The following AK8 variants were observed in gnomAD, a reference collection of about 807,000 sequenced individuals.
AK8 encodes the protein ATP-AMP transphosphorylase 8.
Under a neutral mutation model 54.6 loss-of-function variants are expected in AK8, and 44 were observed. That is an observed-to-expected ratio of 0.81 (90% CI 0.63 to 1.04). The LOEUF is 1.04. Among genes scored for constraint, AK8 ranks in the 50% least tolerant of loss-of-function variants. The pLI is 0.00. For missense variants in AK8, 555 were observed against 613.6 expected, an observed-to-expected ratio of 0.90 and a Z score of 1.01; for synonymous variants, 239 against 245.6, an observed-to-expected ratio of 0.97 and a Z score of 0.25.
chr9:132,857,459 A>C (rs1196309514), intron 4 of AK8, among the ~76,000 whole-genome samples: 1 of 151,966 alleles, frequency 6.6e-6, no homozygotes, highest in Non-Finnish European at 1.5e-5. Flanking sequence ...GAGCTTCCCC[A>C]GGCTGGCAAG....
Position 132,875,059 on chromosome 9 carries a change from AAGG to A in AK8, c.169+53_169+55del, listed in dbSNP as rs1024063460. 824 of 1,603,022 alleles carry A rather than the reference AAGG, an allele frequency of 5.1e-4. 5 individuals carry two copies. The highest frequency in any genetic ancestry group is 3.0e-3 in the Admixed American group (178 of 59,006). On this transcript the variant is annotated intron_variant, in intron 2 of 12. Coordinates refer to ENST00000298545, the MANE Select transcript of AK8 (RefSeq NM_152572.3). The stretch of plus-strand genomic sequence containing the variant: ...GGCAGAGGAGTCAGGGAAGAAGGGG[AAGG>A]AGGAGGAGGGGAAGGGAAGACGAGG...
intron 11 of AK8, among the ~76,000 whole-genome samples, chr9:132,730,605 C>T (rs992761470): frequency 6.6e-6 from 1 of 152,048 alleles, no homozygotes; most frequent in Non-Finnish European, 1.5e-5. Flanking sequence ...TGCCCCTTGC[C>T]CAGAACTGCT....
intron 5 of AK8, among the ~76,000 whole-genome samples, chr9:132,848,727 G>A (rs555577224): frequency 6.6e-6 from 1 of 152,192 alleles, no homozygotes; most frequent in Non-Finnish European, 1.5e-5. Flanking sequence ...GTGCTGAGGA[G>A]GAAGGTCTCG....
chr9:132,810,998 C>T (rs1051805041), intron 10 of AK8, among the ~76,000 whole-genome samples: 4 of 152,044 alleles, frequency 2.6e-5, no homozygotes, highest in African/African-American at 9.7e-5. Context: ...GTTAATAGGC[C>T]AGGGCTATAG....
At chr9:132,804,177 C>G (rs866561677) in intron 10 of AK8, among the ~76,000 whole-genome samples, 2 of 151,838 alleles carry the variant, frequency 1.3e-5, no homozygotes, top group Admixed American at 6.6e-5. Flanking sequence ...GGACCTCACC[C>G]GAATAGAAAT....
chr9:132,775,897 C>G (rs760848814), intron 11 of AK8, among the ~76,000 whole-genome samples: 1 of 152,220 alleles, frequency 6.6e-6, no homozygotes, highest in Non-Finnish European at 1.5e-5. Context: ...CATGAGGCTG[C>G]AGGCAGAGTT....
chr9:132,863,604 G>T, intron 4 of AK8, 61 bp downstream of exon 4: 1 of 1,151,422 alleles, frequency 8.7e-7, no homozygotes, highest in Non-Finnish European at 1.3e-6. Flanking sequence ...TCAGGTGGCA[G>T]TGGGTGTGGC....
chr9:132,744,670 C>T (rs1837554503), intron 11 of AK8, among the ~76,000 whole-genome samples: 1 of 151,970 alleles, frequency 6.6e-6, no homozygotes, highest in African/African-American at 2.4e-5. Context: ...TCAAGAGAAC[C>T]CCAATATGTT....
intron 11 of AK8, among the ~76,000 whole-genome samples, chr9:132,772,901 C>T (rs576015157): frequency 3.3e-4 from 50 of 152,188 alleles, no homozygotes; most frequent in Non-Finnish European, 2.4e-4. Flanking sequence ...GCCTCTGGCA[C>T]CTCTCACCTG....
chr9:132,838,526 T>C (rs983952331), intron 5 of AK8, among the ~76,000 whole-genome samples: 1 of 152,218 alleles, frequency 6.6e-6, no homozygotes, highest in Non-Finnish European at 1.5e-5. Flanking sequence ...TCTGCGGACA[T>C]GGTCAAGGTT....
intron 11 of AK8, among the ~76,000 whole-genome samples, chr9:132,774,893 C>T (rs939886834): frequency 2.0e-5 from 3 of 152,166 alleles, no homozygotes; most frequent in African/African-American, 7.2e-5. Flanking sequence ...TTGAGTACAA[C>T]CCACTGGGCC....
chr9:132,788,791 A>G (rs932544261), intron 11 of AK8, among the ~76,000 whole-genome samples: 1 of 151,916 alleles, frequency 6.6e-6, no homozygotes, highest in Admixed American at 6.6e-5. Flanking sequence ...AGTTTTAAAA[A>G]CTCTCTCAGA....
At position 132,790,658 on chromosome 9, in the gene AK8, C is replaced by A. The variant is rs984606742; in HGVS notation, c.1121+1976G>T. On this transcript the variant is annotated intron_variant, in intron 11 of 12. Transcript: ENST00000298545. The surrounding 1 kb of genome is among the most constrained non-coding windows in gnomAD (Gnocchi z 4.1). ...TTATGGTCAGGAAAAACCACCGTGT[C>A]GATCATGACACCCTGTTCTGAAAGT... Among the ~76,000 whole-genome samples the A allele has an allele frequency of 5.9e-5, 9 of 152,038 alleles. No homozygotes were observed.
Position 132,751,756 on chromosome 9 carries a change from C to T in AK8, c.1122-24222G>A, listed in dbSNP as rs561950306. Among the ~76,000 whole-genome samples the T allele has an allele frequency of 2.0e-5, 3 of 151,968 alleles. 1 individual carries two copies. The highest frequency in any genetic ancestry group is 2.1e-4 in the South Asian group (1 of 4,812). On this transcript the variant is annotated intron_variant, in intron 11 of 12. Coordinates refer to ENST00000298545, the MANE Select transcript of AK8 (RefSeq NM_152572.3). ...AGGCTGGGGACAGTGTTTGTGAACA[C>T]GGGTTCATGGTATATTCCATAGAGG...
intron 10 of AK8, among the ~76,000 whole-genome samples, chr9:132,797,133 C>G (rs1840209653): frequency 6.6e-6 from 1 of 152,176 alleles, no homozygotes; most frequent in Admixed American, 6.5e-5. Context: ...GGGCTCATCA[C>G]AAGCGCACAT....
chr9:132,854,827 ACTGAAACCC>A (rs1843112850), intron 5 of AK8, 21 bp downstream of exon 5: 1 of 1,612,724 alleles, frequency 6.2e-7, no homozygotes, highest in African/African-American at 1.3e-5. Flanking sequence ...TTATCTTGGC[ACTGAAACCC>A]CTAGCTCACT....
At chr9:132,773,845 C>A (rs887334014) in intron 11 of AK8, among the ~76,000 whole-genome samples, 1 of 152,132 alleles carries the variant, frequency 6.6e-6, no homozygotes, top group Non-Finnish European at 1.5e-5. Context: ...GAGCAGGTGG[C>A]ATTTGAGCTA....
intron 11 of AK8, among the ~76,000 whole-genome samples, chr9:132,758,802 G>C (rs1453016331): frequency 6.6e-6 from 1 of 151,852 alleles, no homozygotes; most frequent in Non-Finnish European, 1.5e-5. Flanking sequence ...TTTGGCCCTT[G>C]TGTTTTTTCT....
At chr9:132,742,210 T>C (rs1267991555) in intron 11 of AK8, among the ~76,000 whole-genome samples, 2 of 151,032 alleles carry the variant, frequency 1.3e-5, no homozygotes, top group Non-Finnish European at 2.9e-5. Context: ...AGTCTCATTC[T>C]GTTGCTCAGG....
Sources: allele counts gnomAD v4.1 joint callset (sites outside exome capture counted in the v4.1 genomes callset), GRCh38; gene constraint gnomAD v4.1.1; non-coding constraint Gnocchi (gnomAD v3.1); transcripts MANE v1.5; gene names NCBI Gene and HGNC (gene_info 2026-07-23, HGNC 2026-07-21).